The following SH3RF1 variants were observed in gnomAD, a reference collection of about 807,000 sequenced individuals.
The protein encoded by SH3RF1 is SH3 domain containing ring finger 1, also known as E3 ubiquitin-protein ligase SH3RF1.
A neutral mutation model predicts 74.0 loss-of-function variants in SH3RF1; 32 were observed. That is an observed-to-expected ratio of 0.43 (90% CI 0.33 to 0.58). The LOEUF is 0.58. Among genes scored for constraint, SH3RF1 ranks in the 20% least tolerant of loss-of-function variants. The pLI is 0.05. For missense variants in SH3RF1, 954 were observed against 1,130.9 expected (o/e 0.84, Z 2.24); for synonymous variants, 396 against 439.6 (o/e 0.90, Z 1.24).
At chr4:169,112,542 A>G (rs1192093639) in intron 10 of SH3RF1, among the ~76,000 whole-genome samples, 3 of 152,258 alleles carry the variant, frequency 2.0e-5, no homozygotes, top group African/African-American at 4.8e-5. Context: ...AAGGCTCTCA[A>G]AAATGAAATT....
At chr4:169,172,869 C>A (rs993859278) in intron 2 of SH3RF1, among the ~76,000 whole-genome samples, 1 of 152,042 alleles carries the variant, frequency 6.6e-6, no homozygotes, top group Non-Finnish European at 1.5e-5. Flanking sequence ...TAGCACTTAC[C>A]CCTGGAAAGC....
At position 169,139,339 on chromosome 4, in the gene SH3RF1, T is replaced by A. The variant is rs1181491651; in HGVS notation, c.766-2719A>T. Among the ~76,000 whole-genome samples, 3 of 152,290 alleles carry A rather than the reference T, an allele frequency of 2.0e-5. No homozygotes were observed. The East Asian group carries it at 5.8e-4, about 29-fold the overall frequency. ...CCCTTAAGGACCTTACAAACAGGCA[T>A]AAAAATAACACAGTGCTTTCCATAA... On this transcript the variant is annotated intron_variant, in intron 4 of 11. Transcript: ENST00000284637.
chr4:169,126,763 T>A (rs1347278321), intron 6 of SH3RF1, among the ~76,000 whole-genome samples: 1 of 151,590 alleles, frequency 6.6e-6, no homozygotes, highest in African/African-American at 2.4e-5. Context: ...AAAAAAAAAT[T>A]TTTTTTTTGT....
At chr4:169,156,116 A>G (rs1734046309) in intron 3 of SH3RF1, among the ~76,000 whole-genome samples, 1 of 152,234 alleles carries the variant, frequency 6.6e-6, no homozygotes, top group African/African-American at 2.4e-5. Flanking sequence ...AAAATCCCTG[A>G]GTGGTGCATA....
chr4:169,268,819 C>T lies in SH3RF1; in HGVS notation c.393+1G>A, dbSNP rs2110767108. On this transcript the variant is annotated splice_donor_variant, in intron 2 of 11. Transcript: ENST00000284637. LOFTEE classifies it high-confidence loss of function. ...CCAAACTACCTCTGTAGGCTACTTA[C>T]CCTCACTGGGGGGCTCCAGGATTGC... is the stretch of plus-strand genomic sequence containing the variant. 6.3e-7 allele frequency: 1 copy of T among 1,581,364 alleles called. No homozygotes were observed. The highest frequency in any genetic ancestry group is 1.2e-5 in the South Asian group (1 of 85,170).
intron 2 of SH3RF1, among the ~76,000 whole-genome samples, chr4:169,215,595 T>A (rs758172361): frequency 6.6e-6 from 1 of 152,206 alleles, no homozygotes. Context: ...AGGCTATTAA[T>A]TACTGATTAA....
At position 169,136,327 on chromosome 4, in the gene SH3RF1, G is replaced by C; in HGVS notation, c.1059C>G (p.Ala353=). 2 of 1,432,560 alleles carry C rather than the reference G, an allele frequency of 1.4e-6. No individual in the cohort carries two copies. Among genetic ancestry groups the C allele is most frequent in the Non-Finnish European group, 1.8e-6 (2 of 1,087,438 alleles). The allele number at this position is 1,432,560 out of a possible 1,614,324, so 88.7% of individuals were successfully genotyped here. The change falls in exon 5 of 12, where the codon GCC becomes GCG. Residue 353 remains alanine, a synonymous_variant. Coordinates refer to ENST00000284637, the MANE Select transcript of SH3RF1 (RefSeq NM_020870.4). ...TTGTTTGAGGATTTACCTGAGAAGG[G>C]GCACTGCAGGAGAGCCCAGACAGCT... ...ISELSGLSCS[A]PSQVHISTTG... is the part of the protein sequence containing the mutation.
rs1733914219 is a variant in SH3RF1 at position 169,147,573 on chromosome 4, T to A, written c.765+7907A>T. ...ACCATCAGGACTTTGCACGTTTGTTTGAGATCTTCCTTCCTCTCAACATAT... is the reference window on the plus strand; with the variant it reads ...ACCATCAGGACTTTGCACGTTTGTTAGAGATCTTCCTTCCTCTCAACATAT... On this transcript the variant is annotated intron_variant, in intron 4 of 11. Transcript: ENST00000284637. 2.0e-5 allele frequency among the ~76,000 whole-genome samples: 3 copies of A among 152,336 alleles called. No homozygotes were observed. In the South Asian group the frequency reaches 6.2e-4, roughly 32 times the overall value.
intron 2 of SH3RF1, among the ~76,000 whole-genome samples, chr4:169,242,844 A>T (rs958354330): frequency 1.3e-5 from 2 of 152,296 alleles, no homozygotes; most frequent in South Asian, 4.1e-4. Context: ...TGGCCCCTCA[A>T]TCTTGGACTT....
chr4:169,174,982 C>A (rs559733754), intron 2 of SH3RF1, among the ~76,000 whole-genome samples: 1 of 152,280 alleles, frequency 6.6e-6, no homozygotes, highest in East Asian at 1.9e-4. Context: ...CCAAAACAGA[C>A]CTCTTGGTTT....
intron 10 of SH3RF1, among the ~76,000 whole-genome samples, chr4:169,115,429 T>C (rs750458182): frequency 3.9e-5 from 6 of 152,158 alleles, no homozygotes; most frequent in African/African-American, 7.2e-5. Flanking sequence ...TAGATTCTCA[T>C]AGGAGCATGA....
intron 2 of SH3RF1, among the ~76,000 whole-genome samples, chr4:169,170,517 T>G (rs1734310048): frequency 6.6e-6 from 1 of 152,196 alleles, no homozygotes; most frequent in African/African-American, 2.4e-5. Context: ...AACATATGCT[T>G]TTTGAAAATT....
Position 169,107,014 on chromosome 4 carries a change from C to A in SH3RF1, c.2331G>T (p.Gly777=), listed in dbSNP as rs1309908900. The A allele has an allele frequency of 1.2e-6, 2 of 1,613,808 alleles. No individual in the cohort carries two copies. The highest frequency in any genetic ancestry group is 8.5e-7 in the Non-Finnish European group (1 of 1,179,990). ...HGRAGSCPVD[G]DGPVTTAVAG... ...CCACTGCAGTCGTGACCGGTCCGTC[C>A]CCGTCCACAGGGCAGGAGCCTGCCC... Residue 777 remains glycine (G), a synonymous_variant, in exon 11 of 12, where the codon GGG becomes GGT. Transcript: ENST00000284637.
chr4:169,171,711 A>C (rs190770304), intron 2 of SH3RF1, among the ~76,000 whole-genome samples: 1 of 152,242 alleles, frequency 6.6e-6, no homozygotes, highest in African/African-American at 2.4e-5. Context: ...AGTGAAAACT[A>C]TAACAATTAT....
chr4:169,161,140 G>A (rs911184528), intron 2 of SH3RF1, among the ~76,000 whole-genome samples: 4 of 152,208 alleles, frequency 2.6e-5, no homozygotes, highest in African/African-American at 9.6e-5. Flanking sequence ...ATGCTTAAAA[G>A]GAGAGAAAGC....
At chr4:169,210,083 A>C (rs1730333392) in intron 2 of SH3RF1, among the ~76,000 whole-genome samples, 1 of 152,132 alleles carries the variant, frequency 6.6e-6, no homozygotes, top group African/African-American at 2.4e-5. Flanking sequence ...GGCATGAGGC[A>C]CCATGCCTGG....
chr4:169,114,585 G>C (rs1363072945), intron 10 of SH3RF1, among the ~76,000 whole-genome samples: 1 of 152,166 alleles, frequency 6.6e-6, no homozygotes. Context: ...GAAGGGCCCA[G>C]CTGAAGAGTC....
intron 4 of SH3RF1, among the ~76,000 whole-genome samples, chr4:169,142,399 TCATG>T (rs1200733363): frequency 6.6e-6 from 1 of 152,270 alleles, no homozygotes; most frequent in Non-Finnish European, 1.5e-5. Flanking sequence ...TGATTTAACA[TCATG>T]CTTTAAAAAC....
intron 2 of SH3RF1, among the ~76,000 whole-genome samples, chr4:169,210,819 T>C (rs1730349318): frequency 6.6e-6 from 1 of 152,158 alleles, no homozygotes; most frequent in South Asian, 2.1e-4. Context: ...TCAGTTCCAT[T>C]TTCTGTACAT....
Sources: allele counts gnomAD v4.1 joint callset (sites outside exome capture counted in the v4.1 genomes callset), GRCh38; gene constraint gnomAD v4.1.1; transcripts MANE v1.5; gene names NCBI Gene and HGNC (gene_info 2026-07-23, HGNC 2026-07-21).